APOBEC3F: variants seen among roughly 807,000 people sequenced by gnomAD.
APOBEC3F encodes the protein DNA dC->dU-editing enzyme APOBEC-3F.
A neutral mutation model predicts 45.8 loss-of-function variants in APOBEC3F; 34 were observed. The ratio of observed to expected loss-of-function variants is 0.74; its 90% CI spans 0.57 to 0.99. APOBEC3F has a LOEUF of 0.99. APOBEC3F is among the 50% of genes least tolerant of loss of function. The probability of loss-of-function intolerance (pLI) is 0.00; values close to 1 mark genes in which losing one functional copy is unlikely to be tolerated. For missense variants in APOBEC3F, 459 were observed against 474.1 expected, an observed-to-expected ratio of 0.97 and a Z score of 0.30; for synonymous variants, 192 against 174.4, an observed-to-expected ratio of 1.10 and a Z score of -0.80.
chr22:39,052,932 C>A lies in APOBEC3F; in HGVS notation c.*237C>A. ...TCCATCCACCCACCAAGACCCTGTT[C>A]CCTGAGCCTGCATGCCCCTAACCTG... On this transcript the variant is annotated 3_prime_UTR_variant, in exon 7 of 7. Transcript: ENST00000308521. 3 of 934,494 alleles carry A rather than the reference C, an allele frequency of 3.2e-6. No homozygotes were observed. Among genetic ancestry groups the A allele is most frequent in the Non-Finnish European group, 4.3e-6 (3 of 699,940 alleles). 57.9% of individuals were successfully genotyped at this position (934,494 alleles called of 1,614,324 possible).
chr22:39,043,467 A>ATT (rs542976503), intron 2 of APOBEC3F, among the ~76,000 whole-genome samples: 68,519 of 138,724 alleles, frequency 0.49, 17,365 homozygotes, highest in East Asian at 0.67. Context: ...CGCCCAGCTA[A>ATT]TTTTTTTTTT....
intron 1 of APOBEC3F, among the ~76,000 whole-genome samples, chr22:39,042,201 G>A (rs745839759): frequency 6.6e-6 from 1 of 152,180 alleles, no homozygotes; most frequent in Non-Finnish European, 1.5e-5. Context: ...CTCAGAATTC[G>A]GTTCTACCAT....
In APOBEC3F at chr22:39,049,407, T is replaced by C; in HGVS notation, c.567-18T>C. 1 of 1,612,928 alleles carries C rather than the reference T, an allele frequency of 6.2e-7. No homozygotes were observed. On this transcript the variant is annotated intron_variant, in intron 4 of 6. Transcript: ENST00000308521. ...CCAGGGGGGTCTCTGCATTGGGGTT[T>C]CTCTATTGTGCCTTCAGAAACCCGA...
At position 39,044,145 on chromosome 22, in the gene APOBEC3F, C is replaced by A. The variant is rs371174270; in HGVS notation, c.172-796C>A. 25 of 1,585,068 alleles carry A rather than the reference C, an allele frequency of 1.6e-5. No homozygotes were observed. The African/African-American group carries it at 3.2e-4, about 21-fold the overall frequency. ...TCAGTAGCCCCTTTGGCCAGTGCGC[C>A]CCACCACATGGGACAGCGCAGGTCC... is the stretch of plus-strand genomic sequence containing the variant. On this transcript the variant is annotated intron_variant, in intron 2 of 6. Transcript: ENST00000308521.
Position 39,049,566 on chromosome 22 carries a change from C to G in APOBEC3F, c.708C>G (p.Gly236=). Residue 236 remains glycine (G), a synonymous_variant, in exon 5 of 7, where the codon GGC becomes GGG. Transcript: ENST00000308521. ...KHHSPVSWKR[G]VFRNQVDPET... ...ACTCACCTGTCTCCTGGAAGAGGGG[C>G]GTCTTCCGAAACCAGGTAGCACCAA... 1 of 1,614,066 alleles carries G rather than the reference C, an allele frequency of 6.2e-7. No individual in the cohort carries two copies.
At chr22:39,047,380 G>C (rs1927275399) in intron 4 of APOBEC3F, among the ~76,000 whole-genome samples, 3 of 152,154 alleles carry the variant, frequency 2.0e-5, no homozygotes, top group Admixed American at 6.5e-5. Flanking sequence ...AGATGGGCCT[G>C]TGAGGTCACT....
chr22:39,043,861 A>C (rs1927057474), intron 2 of APOBEC3F, among the ~76,000 whole-genome samples: 1 of 151,494 alleles, frequency 6.6e-6, no homozygotes, highest in African/African-American at 2.4e-5. Flanking sequence ...CTCTACTAAA[A>C]ATACAAAAAA....
At chr22:39,051,153 C>T (rs1185586509) in intron 5 of APOBEC3F, among the ~76,000 whole-genome samples, 1 of 151,792 alleles carries the variant, frequency 6.6e-6, no homozygotes, top group Non-Finnish European at 1.5e-5. Flanking sequence ...AGGAAAATCG[C>T]CTGAACCCAG....
chr22:39,047,968 C>G (rs1255106943), intron 4 of APOBEC3F, among the ~76,000 whole-genome samples: 1 of 152,158 alleles, frequency 6.6e-6, no homozygotes, highest in East Asian at 1.9e-4. Flanking sequence ...GGAATGGTCT[C>G]TGTACCAGAA....
chr22:39,050,072 G>C (rs554528073), intron 5 of APOBEC3F, among the ~76,000 whole-genome samples: 115 of 151,986 alleles, frequency 7.6e-4, no homozygotes, highest in Non-Finnish European at 1.4e-3. Context: ...GATTGTCGAG[G>C]GGTTTTGCCT....
In APOBEC3F at chr22:39,045,051, C is replaced by A. The variant is rs756516830; in HGVS notation, c.282C>A (p.Thr94=). 30 of 1,613,770 alleles carry A rather than the reference C, an allele frequency of 1.9e-5. No individual in the cohort carries two copies. Among genetic ancestry groups the A allele is most frequent in the Non-Finnish European group, 2.5e-5 (30 of 1,179,954 alleles). The part of the protein sequence containing the change: ...CFQITWFVSW[T]PCPDCVAKLA... ...AGATCACCTGGTTTGTATCCTGGAC[C>A]CCCTGCCCGGACTGTGTGGCGAAGC... The change falls in exon 3 of 7, where the codon ACC becomes ACA. Residue 94 remains threonine, a synonymous_variant. Coordinates refer to ENST00000308521, the MANE Select transcript of APOBEC3F (RefSeq NM_145298.6).
intron 1 of APOBEC3F, among the ~76,000 whole-genome samples, chr22:39,041,371 A>G (rs561728734): frequency 1.3e-5 from 2 of 152,170 alleles, no homozygotes; most frequent in Non-Finnish European, 2.9e-5. Context: ...CAGTGCTTTG[A>G]TGGATTTTCT....
Position 39,052,702 on chromosome 22 carries a change from T to C in APOBEC3F, c.*7T>C, listed in dbSNP as rs747609887. ...GCAGGAGATTCTCGAGTGAGGGGTC[T>C]CCCCGGGCCTCATGGTCTGTCTCCT... On this transcript the variant is annotated 3_prime_UTR_variant, in exon 7 of 7. Transcript: ENST00000308521. The C allele has an allele frequency of 1.9e-6, 3 of 1,609,512 alleles. No individual in the cohort carries two copies. The highest frequency in any genetic ancestry group is 2.5e-6 in the Non-Finnish European group (3 of 1,177,136).
rs576090885 is a variant in APOBEC3F, at chr22:39,052,432, C to T, written c.1003+79C>T. 5.5e-4 allele frequency: 873 copies of T among 1,585,984 alleles called. 2 individuals are homozygous for T. The highest frequency in any genetic ancestry group is 8.5e-4 in the Middle Eastern group (5 of 5,874). ...CAGGTGTGTCTGCAATGCCGTGGGG[C>T]GGGGCAGTGTCCCGGGAAGCCTGCA... On this transcript the variant is annotated intron_variant, in intron 6 of 6. Coordinates refer to ENST00000308521, the MANE Select transcript of APOBEC3F (RefSeq NM_145298.6).
chr22:39,044,266 G>C, intron 2 of APOBEC3F: 1 of 1,566,164 alleles, frequency 6.4e-7, no homozygotes, highest in Non-Finnish European at 8.7e-7. Context: ...ATGGATGCCT[G>C]GGAGAATGGA....
intron 1 of APOBEC3F, among the ~76,000 whole-genome samples, chr22:39,042,723 GA>G (rs1601492416): frequency 6.6e-6 from 1 of 152,296 alleles, no homozygotes; most frequent in East Asian, 1.9e-4. Flanking sequence ...CCCTGAGCTG[GA>G]AGAGGTCAGC....
chr22:39,055,788 A>G lies in APOBEC3F; in HGVS notation c.*3093A>G, dbSNP rs1184365879. Among the ~76,000 whole-genome samples the G allele has an allele frequency of 2.0e-5, 3 of 151,846 alleles. No homozygotes were observed. Among genetic ancestry groups the G allele is most frequent in the African/African-American group, 7.3e-5 (3 of 41,310 alleles). On this transcript the variant is annotated 3_prime_UTR_variant, in exon 7 of 7. Transcript: ENST00000308521. The stretch of plus-strand genomic sequence containing the variant: ...TTTCTGGTCTGTTCTGCTAGCCCCC[A>G]CCACTGATGCATGTAGCCCCCCAGT...
At chr22:39,045,997 G>C (rs893147323) in intron 4 of APOBEC3F, among the ~76,000 whole-genome samples, 1 of 151,776 alleles carries the variant, frequency 6.6e-6, no homozygotes, top group Non-Finnish European at 1.5e-5. Flanking sequence ...AGATGCCCCC[G>C]GGCCGGGTGC....
In APOBEC3F at chr22:39,045,466, G is replaced by C; in HGVS notation, c.490G>C (p.Gly164Arg). The C allele has an allele frequency of 1.9e-6, 3 of 1,614,138 alleles. No individual in the cohort carries two copies. The highest frequency in any genetic ancestry group is 2.5e-6 in the Non-Finnish European group (3 of 1,180,006). ...YCWENFVYSEGQPFMPWYKFD... is the reference protein window; with the variant it reads ...YCWENFVYSERQPFMPWYKFD... The stretch of plus-strand genomic sequence containing the variant: ...CTGGGAAAACTTTGTGTACAGTGAA[G>C]GTCAGCCATTCATGCCTTGGTACAA... Residue 164 changes from glycine (G) to arginine (R), a missense_variant, in exon 4 of 7, where the codon GGT becomes CGT. Physicochemically the swap from Gly to Arg is moderately radical, Grantham distance 125 (BLOSUM62 -2). Coordinates refer to ENST00000308521, the MANE Select transcript of APOBEC3F (RefSeq NM_145298.6).
Sources: allele counts gnomAD v4.1 joint callset (sites outside exome capture counted in the v4.1 genomes callset), GRCh38; gene constraint gnomAD v4.1.1; transcripts MANE v1.5; gene names NCBI Gene and HGNC (gene_info 2026-07-23, HGNC 2026-07-21).